DNAJC1: variants seen among roughly 807,000 people sequenced by gnomAD.
The protein encoded by DNAJC1 is dnaJ homolog subfamily C member 1.
DNAJC1 carries 58 observed loss-of-function variants against 76.6 expected under a neutral mutation model. That is an observed-to-expected ratio of 0.76 (90% CI 0.61 to 0.94). The LOEUF (loss-of-function observed/expected upper bound fraction) is 0.94. DNAJC1 is among the 40% of genes least tolerant of loss of function. DNAJC1 has a pLI of 0.00. For synonymous variants in DNAJC1, 258 were observed against 267.9 expected (o/e 0.96, Z 0.36); for missense variants, 689 against 677.3 (o/e 1.02, Z -0.19).
At chr10:21,839,017 AG>A (rs1835522826) in intron 8 of DNAJC1, among the ~76,000 whole-genome samples, 1 of 152,248 alleles carries the variant, frequency 6.6e-6, no homozygotes. Flanking sequence ...AAATAAAGAA[AG>A]GAAGGCAGAA....
intron 9 of DNAJC1, among the ~76,000 whole-genome samples, chr10:21,770,861 T>G (rs550107921): frequency 4.9e-4 from 74 of 152,340 alleles, no homozygotes; most frequent in African/African-American, 1.8e-3. Context: ...TTATCTATTT[T>G]TTTTAATTTT....
intron 8 of DNAJC1, among the ~76,000 whole-genome samples, chr10:21,839,422 A>T (rs975561641): frequency 1.6e-4 from 25 of 152,218 alleles, no homozygotes; most frequent in African/African-American, 5.8e-4. Context: ...AGGGGATATC[A>T]CCACTGATCC....
intron 8 of DNAJC1, among the ~76,000 whole-genome samples, chr10:21,820,002 C>G (rs959545864): frequency 6.6e-6 from 1 of 152,136 alleles, no homozygotes; most frequent in South Asian, 2.1e-4. Context: ...TAATTCAATG[C>G]TTTTTAGTAT....
At chr10:21,857,965 C>A (rs1835864719) in intron 8 of DNAJC1, among the ~76,000 whole-genome samples, 2 of 151,916 alleles carry the variant, frequency 1.3e-5, no homozygotes, top group African/African-American at 4.8e-5. Flanking sequence ...TGAATGTCAA[C>A]AAACATTAGT....
intron 1 of DNAJC1, among the ~76,000 whole-genome samples, chr10:21,991,409 C>T (rs895222619): frequency 1.3e-5 from 2 of 152,150 alleles, no homozygotes; most frequent in Non-Finnish European, 2.9e-5. Flanking sequence ...GTTCAGACAA[C>T]CAATGTTCCT....
chr10:21,862,987 C>T (rs1296680906), intron 8 of DNAJC1, among the ~76,000 whole-genome samples: 1 of 152,000 alleles, frequency 6.6e-6, no homozygotes, highest in Non-Finnish European at 1.5e-5. Flanking sequence ...ACAAAATTAG[C>T]AAGGCATGGT....
At chr10:21,908,243 AAT>A (rs2131750182) in intron 6 of DNAJC1, among the ~76,000 whole-genome samples, 1 of 36,562 alleles carries the variant, frequency 2.7e-5, no homozygotes, top group African/African-American at 2.7e-4. Flanking sequence ...AAATATATAT[AAT>A]ATAGAGAAAA....
intron 4 of DNAJC1, among the ~76,000 whole-genome samples, chr10:21,920,405 A>G (rs527365271): frequency 5.3e-4 from 81 of 152,198 alleles, no homozygotes; most frequent in Non-Finnish European, 1.0e-3. Flanking sequence ...TTCATTTCCA[A>G]TTTTATTTAT....
Position 21,802,757 on chromosome 10 carries a change from T to C in DNAJC1, c.1098+3223A>G, listed in dbSNP as rs80281486. On this transcript the variant is annotated intron_variant, in intron 9 of 11. Transcript: ENST00000376980. ...GTTTACATCCTTTCAGGCAAAAGAA[T>C]AGTATTACTTCACAAGCAAGAAATC... 8.5e-3 allele frequency among the ~76,000 whole-genome samples: 1,290 copies of C among 152,226 alleles called. 14 individuals are homozygous for C. The highest frequency in any genetic ancestry group is 0.029 in the African/African-American group (1,192 of 41,548).
chr10:21,908,161 AAAATATAT>A (rs1261677557), intron 6 of DNAJC1, among the ~76,000 whole-genome samples: 1 of 108,948 alleles, frequency 9.2e-6, no homozygotes, highest in African/African-American at 3.9e-5. Flanking sequence ...ATAATATATA[AAAATATAT>A]AATATATAAT....
chr10:21,759,859 A>T (rs1834220971), intron 10 of DNAJC1, among the ~76,000 whole-genome samples: 1 of 152,234 alleles, frequency 6.6e-6, no homozygotes, highest in Non-Finnish European at 1.5e-5. Flanking sequence ...GTCTGATTCC[A>T]AGCCTTTGTC....
At chr10:21,861,116 G>A (rs1835911552) in intron 8 of DNAJC1, among the ~76,000 whole-genome samples, 1 of 152,224 alleles carries the variant, frequency 6.6e-6, no homozygotes, top group South Asian at 2.1e-4. Flanking sequence ...TGAATTTTGA[G>A]GAGATAAAAT....
chr10:21,849,856 G>GA (rs200216296), intron 8 of DNAJC1, among the ~76,000 whole-genome samples: 15 of 149,402 alleles, frequency 1.0e-4, no homozygotes, highest in African/African-American at 1.7e-4. Context: ...AGATAAAAGG[G>GA]AAAAAAAAAC....
chr10:21,848,077 T>A (rs1835689633), intron 8 of DNAJC1, among the ~76,000 whole-genome samples: 1 of 152,180 alleles, frequency 6.6e-6, no homozygotes, highest in Non-Finnish European at 1.5e-5. Flanking sequence ...TCACCAACAG[T>A]GAACTATTAG....
intron 8 of DNAJC1, among the ~76,000 whole-genome samples, chr10:21,873,585 T>C (rs1481688783): frequency 2.6e-5 from 4 of 152,128 alleles, no homozygotes; most frequent in African/African-American, 9.7e-5. Flanking sequence ...AGTTCACTGC[T>C]AGCACACCTG....
chr10:21,813,678 G>T (rs921082261), intron 8 of DNAJC1, among the ~76,000 whole-genome samples: 2 of 152,158 alleles, frequency 1.3e-5, no homozygotes, highest in African/African-American at 4.8e-5. Flanking sequence ...GTGAGCCACT[G>T]CGCCCAGCCA....
At chr10:21,961,025 A>G (rs1564839148) in intron 1 of DNAJC1, among the ~76,000 whole-genome samples, 1 of 152,232 alleles carries the variant, frequency 6.6e-6, no homozygotes, top group Non-Finnish European at 1.5e-5. Flanking sequence ...TCAAAGCCAC[A>G]ATATATACCA....
At chr10:21,833,006 C>G (rs1238787642) in intron 8 of DNAJC1, among the ~76,000 whole-genome samples, 2 of 152,194 alleles carry the variant, frequency 1.3e-5, no homozygotes. Context: ...TTTCCCCACC[C>G]CACTTCTAAA....
intron 1 of DNAJC1, among the ~76,000 whole-genome samples, chr10:21,932,014 G>GA (rs1225728491): frequency 9.3e-5 from 14 of 151,310 alleles, no homozygotes; most frequent in Non-Finnish European, 1.8e-4. Context: ...TCACTTTTGG[G>GA]AAAAAAAACA....
Sources: allele counts gnomAD v4.1 joint callset (sites outside exome capture counted in the v4.1 genomes callset), GRCh38; gene constraint gnomAD v4.1.1; transcripts MANE v1.5; gene names NCBI Gene and HGNC (gene_info 2026-07-23, HGNC 2026-07-21).